Variants in TANC2 observed in about 807,000 individuals in gnomAD.
The protein encoded by TANC2 is protein TANC2.
TANC2 carries 26 observed loss-of-function variants against 210.5 expected under a neutral mutation model. The observed-to-expected ratio is 0.12, with a 90% CI of 0.09 to 0.17. The LOEUF is 0.17. Ranked by LOEUF, TANC2 falls within the 10% of genes least tolerant of loss-of-function variation. The probability of loss-of-function intolerance (pLI) is 1.00; values close to 1 mark genes in which losing one functional copy is unlikely to be tolerated. For synonymous variants in TANC2, 931 were observed against 967.1 expected (o/e 0.96, Z 0.69); for missense variants, 2,129 against 2,608.9 (o/e 0.82, Z 4.01).
chr17:63,070,265 C>T (rs1259517877), intron 2 of TANC2, among the ~76,000 whole-genome samples: 3 of 152,126 alleles, frequency 2.0e-5, no homozygotes, highest in Non-Finnish European at 4.4e-5. Context: ...CACTTTTAGT[C>T]ACCTCGCAAG....
intron 11 of TANC2, among the ~76,000 whole-genome samples, chr17:63,339,572 C>T (rs867388860): frequency 8.5e-5 from 13 of 152,264 alleles, no homozygotes; most frequent in Admixed American, 1.3e-4. Flanking sequence ...GCTCAGAAAA[C>T]ATTTAATGCT....
At chr17:63,069,525 A>G (rs1214753509) in intron 2 of TANC2, among the ~76,000 whole-genome samples, 1 of 152,218 alleles carries the variant, frequency 6.6e-6, no homozygotes, top group Admixed American at 6.5e-5. Context: ...TCAGTTTTAC[A>G]GATGAAAACA....
intron 14 of TANC2, among the ~76,000 whole-genome samples, chr17:63,376,901 T>C (rs1166238411): frequency 6.7e-6 from 1 of 148,170 alleles, no homozygotes; most frequent in African/African-American, 2.5e-5. Flanking sequence ...CACTGCAAGC[T>C]CCGCCTCCCA....
At chr17:63,415,773 C>A in intron 26 of TANC2, 99 bp downstream of exon 26, 2 of 1,435,172 alleles carry the variant, frequency 1.4e-6, no homozygotes, top group Non-Finnish European at 1.9e-6. Context: ...CTCCTCTGCC[C>A]CATTTGGAAC....
At chr17:63,013,833 G>A (rs1228343785) in intron 2 of TANC2, among the ~76,000 whole-genome samples, 1 of 142,840 alleles carries the variant, frequency 7.0e-6, no homozygotes, top group Non-Finnish European at 1.5e-5. Flanking sequence ...AGGATTTCTT[G>A]ACTCTGCGGC....
At chr17:63,102,890 A>AT (rs971916066) in intron 4 of TANC2, among the ~76,000 whole-genome samples, 3 of 152,178 alleles carry the variant, frequency 2.0e-5, no homozygotes, top group South Asian at 2.1e-4. Context: ...GAACATGTAG[A>AT]TTTTTTTATA....
chr17:63,318,567 G>T (rs1164119404), intron 10 of TANC2, among the ~76,000 whole-genome samples: 2 of 152,032 alleles, frequency 1.3e-5, no homozygotes, highest in African/African-American at 4.8e-5. Context: ...TTCTGTTCTG[G>T]GCATTTCACA....
intron 14 of TANC2, among the ~76,000 whole-genome samples, chr17:63,371,033 C>A (rs1387530567): frequency 6.6e-6 from 1 of 152,156 alleles, no homozygotes; most frequent in Non-Finnish European, 1.5e-5. Flanking sequence ...CCCACATTAG[C>A]CTCCGTAATA....
chr17:63,215,539 T>C (rs902994424), intron 7 of TANC2, among the ~76,000 whole-genome samples: 3 of 152,016 alleles, frequency 2.0e-5, no homozygotes, highest in African/African-American at 7.3e-5. Flanking sequence ...AGGCTAGAGA[T>C]TGAGTTAATC....
chr17:63,106,315 C>G (rs2037821199), intron 4 of TANC2, among the ~76,000 whole-genome samples: 1 of 151,540 alleles, frequency 6.6e-6, no homozygotes, highest in African/African-American at 2.4e-5. Flanking sequence ...TAGTAAGGCT[C>G]TATTGCAATA....
intron 6 of TANC2, among the ~76,000 whole-genome samples, chr17:63,195,231 T>C (rs898564247): frequency 1.3e-5 from 2 of 152,168 alleles, no homozygotes; most frequent in African/African-American, 2.4e-5. Flanking sequence ...CCCCTTTACT[T>C]GAAATTTGTA....
At chr17:63,205,332 T>A (rs1251278465) in intron 7 of TANC2, among the ~76,000 whole-genome samples, 1 of 39,080 alleles carries the variant, frequency 2.6e-5, no homozygotes, top group African/African-American at 1.0e-4. Flanking sequence ...GCTCAAAATT[T>A]AACCAAGGAG....
At chr17:63,124,548 T>C (rs187638073) in intron 4 of TANC2, among the ~76,000 whole-genome samples, 2 of 152,304 alleles carry the variant, frequency 1.3e-5, no homozygotes. Context: ...AGAGGCTACA[T>C]AAAATCGGTG....
At chr17:63,113,916 ATC>A (rs2038151614) in intron 4 of TANC2, among the ~76,000 whole-genome samples, 1 of 152,224 alleles carries the variant, frequency 6.6e-6, no homozygotes, top group South Asian at 2.1e-4. Context: ...TTGGTTGAAC[ATC>A]TCTGTTTTCC....
intron 11 of TANC2, among the ~76,000 whole-genome samples, chr17:63,323,222 A>G (rs1205999744): frequency 6.6e-6 from 1 of 152,212 alleles, no homozygotes; most frequent in East Asian, 1.9e-4. Context: ...TGTTCTTGAA[A>G]AATCTCTCAA....
chr17:63,198,296 A>G (rs1205227214), intron 6 of TANC2, among the ~76,000 whole-genome samples: 2 of 151,994 alleles, frequency 1.3e-5, no homozygotes, highest in South Asian at 2.1e-4. Flanking sequence ...CCTGGGTTCA[A>G]TGATTCTCAT....
At chr17:63,033,326 T>C (rs2034847371) in intron 2 of TANC2, among the ~76,000 whole-genome samples, 1 of 152,126 alleles carries the variant, frequency 6.6e-6, no homozygotes, top group Non-Finnish European at 1.5e-5. Flanking sequence ...TGATGATTGG[T>C]TCCTCTGGCA....
chr17:63,414,646 T>A (rs1016070355), intron 25 of TANC2, among the ~76,000 whole-genome samples: 25 of 152,316 alleles, frequency 1.6e-4, no homozygotes, highest in Middle Eastern at 3.4e-3. Flanking sequence ...CCCTCAGAAT[T>A]CTACCTTGAA....
intron 5 of TANC2, among the ~76,000 whole-genome samples, chr17:63,168,398 A>G (rs752707130): frequency 2.1e-4 from 32 of 152,150 alleles, no homozygotes; most frequent in Non-Finnish European, 3.4e-4. Flanking sequence ...ATAGCTTAAT[A>G]TGGATCTAGT....
Sources: gnomAD v4.1 joint callset for allele counts (sites outside exome capture counted in the v4.1 genomes callset) on GRCh38, gnomAD v4.1.1 for gene constraint, MANE v1.5 for transcripts, NCBI Gene and HGNC (gene_info 2026-07-23, HGNC 2026-07-21) for gene names.